Variants in SLC22A24 observed in about 807,000 individuals in gnomAD.
SLC22A24 encodes the protein solute carrier family 22 member 24, also known as steroid transmembrane transporter SLC22A24.
A neutral mutation model predicts 49.8 loss-of-function variants in SLC22A24; 53 were observed. The observed-to-expected ratio is 1.06, with a 90% CI of 0.85 to 1.34. The LOEUF (loss-of-function observed/expected upper bound fraction) is 1.34, where lower values mean the gene tolerates loss of function less well. Ranked by LOEUF, SLC22A24 falls within the 40% of genes most tolerant of loss-of-function variation. The pLI, the probability that SLC22A24 is intolerant of heterozygous loss-of-function variation, is 0.00. For synonymous variants in SLC22A24, 302 were observed against 256.4 expected (o/e 1.18, Z -1.70); for missense variants, 786 against 675.9 (o/e 1.16, Z -1.81).
chr11:63,133,597 C>T (rs1386391407), intron 2 of SLC22A24, among the ~76,000 whole-genome samples: 1 of 152,038 alleles, frequency 6.6e-6, no homozygotes, highest in East Asian at 1.9e-4. Flanking sequence ...AAAGGAATCC[C>T]CAAACATCTC....
At chr11:63,114,963 T>A (rs2105622) in intron 4 of SLC22A24, among the ~76,000 whole-genome samples, 39,538 of 152,120 alleles carry the variant, frequency 0.26, 6,362 homozygotes, top group Admixed American at 0.35. Flanking sequence ...CCTGCCTGTA[T>A]GAGGTGTCTG....
At chr11:63,121,624 T>C (rs1349472197) in intron 2 of SLC22A24, among the ~76,000 whole-genome samples, 1 of 152,090 alleles carries the variant, frequency 6.6e-6, no homozygotes, top group Non-Finnish European at 1.5e-5. Context: ...AATTTTTTAT[T>C]TTACTTTTTT....
intron 2 of SLC22A24, among the ~76,000 whole-genome samples, chr11:63,131,052 C>A (rs924703226): frequency 6.6e-6 from 1 of 151,954 alleles, no homozygotes; most frequent in Non-Finnish European, 1.5e-5. Context: ...CTCTTTTGAT[C>A]TTTGTTGGTT....
intron 4 of SLC22A24, among the ~76,000 whole-genome samples, chr11:63,115,284 C>T (rs1216944368): frequency 6.6e-6 from 1 of 152,300 alleles, no homozygotes; most frequent in East Asian, 1.9e-4. Flanking sequence ...GACACCCCTC[C>T]CCCCATGAGG....
chr11:63,113,125 T>TACATATATATATATACACATATATATAC lies in SLC22A24; in HGVS notation c.830+5786_830+5787insGTATATATATGTGTATATATATATATGT, dbSNP rs1565332161. 5.8e-4 allele frequency among the ~76,000 whole-genome samples: 6 copies of TACATATATATATATACACATATATATAC among 10,342 alleles called. 2 individuals are homozygous for TACATATATATATATACACATATATATAC. Among genetic ancestry groups the TACATATATATATATACACATATATATAC allele is most frequent in the African/African-American group, 1.0e-3 (6 of 5,862 alleles). The allele number at this position is 10,342 out of a possible 152,430, so 6.8% of individuals were successfully genotyped here. A position where few individuals can be genotyped will look rare whatever the true frequency, so the allele number is the denominator to read the frequency against. On this transcript the variant is annotated intron_variant, in intron 4 of 9. Coordinates refer to ENST00000612278, the MANE Select transcript of SLC22A24 (RefSeq NM_001136506.2). ...ATACATATATATACACATATATATA[T>TACATATATATATATACACATATATATAC]ACATATATATATACACATATATATA...
chr11:63,084,606 C>G (rs2086977162), intron 6 of SLC22A24, among the ~76,000 whole-genome samples: 1 of 152,130 alleles, frequency 6.6e-6, no homozygotes, highest in African/African-American at 2.4e-5. Context: ...TAAAGGCACC[C>G]AGGGAAAGGA....
At chr11:63,113,195 TATATATAC>T (rs1255799906) in intron 4 of SLC22A24, among the ~76,000 whole-genome samples, 142 of 5,836 alleles carry the variant, frequency 0.024, 18 homozygotes, top group African/African-American at 0.045. Flanking sequence ...TATACACATA[TATATATAC>T]ATATATATAC....
At chr11:63,135,056 G>T (rs540947659) in intron 1 of SLC22A24, among the ~76,000 whole-genome samples, 1 of 151,992 alleles carries the variant, frequency 6.6e-6, no homozygotes, top group Non-Finnish European at 1.5e-5. Context: ...GGACCACTAA[G>T]TTCCTTTAAT....
chr11:63,132,798 G>A (rs191408375), intron 2 of SLC22A24, among the ~76,000 whole-genome samples: 4 of 152,280 alleles, frequency 2.6e-5, no homozygotes, highest in South Asian at 2.1e-4. Flanking sequence ...TTTTCTCAGA[G>A]CTCGAATGCC....
Position 63,080,960 on chromosome 11 carries a change from C to T in SLC22A24, c.1558G>A (p.Asp520Asn), listed in dbSNP as rs762131136. The T allele has an allele frequency of 1.1e-5, 17 of 1,552,488 alleles. No homozygotes were observed. The highest frequency in any genetic ancestry group is 1.2e-5 in the South Asian group (1 of 84,084). The stretch of plus-strand genomic sequence containing the variant: ...TGGATGGTGTTAGGAAGAGGTAGAT[C>T]CCTGGTTTCTGGAAGGAGGAGGATA... ...PVILLLPETR[D>N]LPLPNTIQDV... The change falls in exon 9 of 10, where the codon GAT becomes AAT. Residue 520 changes from aspartate (D) to asparagine (N), a missense_variant. By Grantham distance (23) the Asp-to-Asn change is conservative (BLOSUM62 1). Transcript: ENST00000612278.
chr11:63,099,371 A>ATTTTTTTTTTTTT lies in SLC22A24; in HGVS notation c.955-3278_955-3266dup, dbSNP rs56708217. On this transcript the variant is annotated intron_variant, in intron 5 of 9. Transcript: ENST00000612278. Reference sequence around the variant, plus strand: ...CCACCACACCTGGCTAATTTTTAAGATTTTTTTTTTTTTTTTTTTTTTTTT... The same window carrying ATTTTTTTTTTTTT: ...CCACCACACCTGGCTAATTTTTAAGATTTTTTTTTTTTTTTTTTTTTTTTTTTTTTTTTTTTTT... Among the ~76,000 whole-genome samples, 365 of 52,332 alleles carry ATTTTTTTTTTTTT rather than the reference A, an allele frequency of 7.0e-3. 34 individuals carry two copies. Among genetic ancestry groups the ATTTTTTTTTTTTT allele is most frequent in the Middle Eastern group, 0.024 (1 of 42 alleles). 34.3% of individuals were successfully genotyped at this position (52,332 alleles called of 152,430 possible).
chr11:63,081,218 G>T, intron 8 of SLC22A24, 95 bp from the exon 9 acceptor site: 1 of 1,066,616 alleles, frequency 9.4e-7, no homozygotes. Flanking sequence ...CAGTACAACA[G>T]AGTTACTAAA....
chr11:63,086,351 A>C (rs2086986987), intron 6 of SLC22A24, among the ~76,000 whole-genome samples: 1 of 152,250 alleles, frequency 6.6e-6, no homozygotes, highest in Admixed American at 6.5e-5. Flanking sequence ...AATACTATGC[A>C]GCCATAAAGA....
intron 2 of SLC22A24, among the ~76,000 whole-genome samples, chr11:63,131,752 AT>A (rs2087337317): frequency 6.6e-6 from 1 of 151,482 alleles, no homozygotes; most frequent in Non-Finnish European, 1.5e-5. Context: ...TGACAATTAC[AT>A]GTCTTGGGCT....
At chr11:63,087,659 C>A (rs2086995626) in intron 6 of SLC22A24, among the ~76,000 whole-genome samples, 1 of 152,226 alleles carries the variant, frequency 6.6e-6, no homozygotes, top group Non-Finnish European at 1.5e-5. Flanking sequence ...TGGAGCCCAG[C>A]AAGCTAAGAA....
chr11:63,092,340 A>G (rs910777796), intron 6 of SLC22A24, among the ~76,000 whole-genome samples: 1 of 150,694 alleles, frequency 6.6e-6, no homozygotes, highest in Non-Finnish European at 1.5e-5. Flanking sequence ...AGTAATTTAT[A>G]GATTCAATGC....
At chr11:63,104,705 G>C (rs1183823316) in intron 4 of SLC22A24, among the ~76,000 whole-genome samples, 1 of 152,130 alleles carries the variant, frequency 6.6e-6, no homozygotes, top group Non-Finnish European at 1.5e-5. Flanking sequence ...GATCTCATGA[G>C]ACTTATTCAC....
chr11:63,108,178 T>A (rs79735598), intron 4 of SLC22A24, among the ~76,000 whole-genome samples: 1 of 152,212 alleles, frequency 6.6e-6, no homozygotes, highest in South Asian at 2.1e-4. Flanking sequence ...CTTTTCTGCA[T>A]CTATTGAGAT....
At chr11:63,106,118 TC>T (rs2087120100) in intron 4 of SLC22A24, among the ~76,000 whole-genome samples, 1 of 139,610 alleles carries the variant, frequency 7.2e-6, no homozygotes, top group Non-Finnish European at 1.5e-5. Context: ...TGTGTGATGT[TC>T]CCCTTCCTGT....
Sources: gnomAD v4.1 joint callset for allele counts (sites outside exome capture counted in the v4.1 genomes callset) on GRCh38, gnomAD v4.1.1 for gene constraint, MANE v1.5 for transcripts, NCBI Gene and HGNC (gene_info 2026-07-23, HGNC 2026-07-21) for gene names.